The following ACSM1 variants were observed in gnomAD, a reference collection of about 807,000 sequenced individuals.
ACSM1 encodes acyl-coenzyme A synthetase ACSM1, mitochondrial.
A neutral mutation model predicts 75.8 loss-of-function variants in ACSM1; 79 were observed. The ratio of observed to expected loss-of-function variants is 1.04; its 90% confidence interval spans 0.87 to 1.26. The LOEUF is 1.26. Ranked by LOEUF, ACSM1 falls within the 50% of genes most tolerant of loss-of-function variation. The probability of loss-of-function intolerance (pLI) is 0.00; values close to 1 mark genes in which losing one functional copy is unlikely to be tolerated. For missense variants in ACSM1, 676 were observed against 720.1 expected (o/e 0.94, Z 0.70); for synonymous variants, 279 against 265.8 (o/e 1.05, Z -0.48).
Position 20,623,456 on chromosome 16 carries a change from G to A in ACSM1, c.*30C>T, listed in dbSNP as rs377562681. 48 of 1,601,212 alleles carry A rather than the reference G, an allele frequency of 3.0e-5. No homozygotes were observed. The East Asian group carries it at 3.1e-4, about 10-fold the overall frequency. ...TAAAGTGGCCAGGGATTTGCCTTAG[G>A]TGTGCAGTGCGTTCTGAGTTCACTG... On this transcript the variant is annotated 3_prime_UTR_variant, in exon 14 of 14. Transcript: ENST00000520010.
chr16:20,653,529 T>G (rs2018770821), intron 7 of ACSM1, among the ~76,000 whole-genome samples: 1 of 152,182 alleles, frequency 6.6e-6, no homozygotes, highest in Admixed American at 6.5e-5. Flanking sequence ...CAAAATCTCC[T>G]TAAGCTGATA....
chr16:20,676,814 A>G (rs770940726), intron 4 of ACSM1, among the ~76,000 whole-genome samples: 1 of 152,098 alleles, frequency 6.6e-6, no homozygotes, highest in Non-Finnish European at 1.5e-5. Context: ...CTAGAAGAAT[A>G]AATGCCCCAA....
At chr16:20,687,293 C>T (rs893622808) in intron 2 of ACSM1, among the ~76,000 whole-genome samples, 5 of 152,022 alleles carry the variant, frequency 3.3e-5, no homozygotes, top group African/African-American at 9.7e-5. Flanking sequence ...TACAATAAAA[C>T]ATGTAAGACC....
chr16:20,635,878 A>G (rs896943316), intron 10 of ACSM1, among the ~76,000 whole-genome samples: 4 of 152,070 alleles, frequency 2.6e-5, no homozygotes, highest in Admixed American at 1.3e-4. Context: ...TGACCTCGTG[A>G]TCCACCCACC....
At position 20,682,350 on chromosome 16, in the gene ACSM1, C is replaced by A. The variant is rs752115330; in HGVS notation, c.517G>T (p.Asp173Tyr). The change falls in exon 4 of 14, where the codon GAC becomes TAC. Residue 173 changes from aspartate (D) to tyrosine (Y), a missense_variant. Physicochemically the swap from Asp to Tyr is radical, Grantham distance 160. Transcript: ENST00000520010. ...VTIDALASEV[D>Y]SIASQCPSLK... Reference sequence around the variant, plus strand: ...GAGGGGCACTGAGAAGCTATGGAGTCCACCTCTGAGGCAAGGGCATCTATG... The same window carrying A: ...GAGGGGCACTGAGAAGCTATGGAGTACACCTCTGAGGCAAGGGCATCTATG... The A allele has an allele frequency of 1.2e-6, 2 of 1,614,026 alleles. No individual in the cohort carries two copies. The highest frequency in any genetic ancestry group is 2.2e-5 in the South Asian group (2 of 91,076).
intron 7 of ACSM1, among the ~76,000 whole-genome samples, chr16:20,644,049 A>G (rs1396126806): frequency 6.6e-6 from 1 of 152,200 alleles, no homozygotes; most frequent in African/African-American, 2.4e-5. Flanking sequence ...CTAGACCCAG[A>G]GCACTAATTG....
At chr16:20,657,607 TG>T (rs2019046496) in intron 7 of ACSM1, among the ~76,000 whole-genome samples, 1 of 142,104 alleles carries the variant, frequency 7.0e-6, no homozygotes, top group Non-Finnish European at 1.5e-5. Context: ...CTGTGCCCAA[TG>T]TTTTTTTTTT....
At chr16:20,688,188 A>G (rs1048696711) in intron 2 of ACSM1, among the ~76,000 whole-genome samples, 8 of 152,314 alleles carry the variant, frequency 5.3e-5, no homozygotes, top group South Asian at 2.1e-4. Flanking sequence ...GTTCAATGGC[A>G]GATTCAAATA....
At chr16:20,696,487 A>C (rs893358640) in intron 1 of ACSM1, among the ~76,000 whole-genome samples, 1 of 152,274 alleles carries the variant, frequency 6.6e-6, no homozygotes, top group East Asian at 1.9e-4. Flanking sequence ...GTGTGCCCAC[A>C]AATTATCTGA....
rs72778628 is a variant in ACSM1 at position 20,634,064 on chromosome 16, A to T, written c.1299+2675T>A. 8.6e-3 allele frequency among the ~76,000 whole-genome samples: 1,306 copies of T among 152,332 alleles called. 15 individuals are homozygous for T. Among genetic ancestry groups the T allele is most frequent in the Admixed American group, 0.032 (483 of 15,302 alleles). On this transcript the variant is annotated intron_variant, in intron 10 of 13. Coordinates refer to ENST00000520010, the MANE Select transcript of ACSM1 (RefSeq NM_001318890.3). ...ATTGCAATAGAATAGAGAGTCCTGG[A>T]AGAAACTCTCCCATATATTGTCAAT...
chr16:20,676,471 T>G (rs201341457), intron 4 of ACSM1, among the ~76,000 whole-genome samples: 2 of 152,180 alleles, frequency 1.3e-5, no homozygotes, highest in Admixed American at 1.3e-4. Context: ...AATCAGTGCA[T>G]GGTGGACACA....
chr16:20,689,624 T>A (rs952877104), intron 2 of ACSM1, among the ~76,000 whole-genome samples: 1 of 152,228 alleles, frequency 6.6e-6, no homozygotes, highest in Non-Finnish European at 1.5e-5. Context: ...ATTGTTTTTA[T>A]AATAAAATGC....
rs1401910731 is a variant in ACSM1, at chr16:20,697,618, C to T, written c.-52+18G>A. 6.6e-6 allele frequency: 1 copy of T among 150,876 alleles called. No homozygotes were observed. The highest frequency in any genetic ancestry group is 2.0e-4 in the East Asian group (1 of 5,104). 9.3% of individuals were successfully genotyped at this position (150,876 alleles called of 1,614,324 possible). On this transcript the variant is annotated intron_variant, in intron 1 of 13. Coordinates refer to ENST00000520010, the MANE Select transcript of ACSM1 (RefSeq NM_001318890.3). ...ACACACACACACAGATAGAAGCTGA[C>T]CTTCACCTCTGTCTTACCTGGTACT...
intron 5 of ACSM1, 68 bp from the exon 6 acceptor site, chr16:20,670,054 G>C: frequency 6.6e-7 from 1 of 1,525,106 alleles, no homozygotes; most frequent in Non-Finnish European, 9.0e-7. Flanking sequence ...TGTGCACTCT[G>C]GTTTTTAGCT....
chr16:20,691,090 T>C lies in ACSM1; in HGVS notation c.99A>G (p.Ser33=). The C allele has an allele frequency of 2.5e-6, 4 of 1,613,758 alleles. No homozygotes were observed. Among genetic ancestry groups the C allele is most frequent in the Non-Finnish European group, 3.4e-6 (4 of 1,179,838 alleles). Residue 33 remains serine (S), a synonymous_variant, in exon 2 of 14, where the codon TCA becomes TCG. Coordinates refer to ENST00000520010, the MANE Select transcript of ACSM1 (RefSeq NM_001318890.3). ...CATTCCATCTTGGGGCTCCAAATTC[T>C]GATAAAGACCGGCAGCGCAGCTGTG... ...APSQLRCRSL[S]EFGAPRWNDY... is the part of the protein sequence containing the mutation.
chr16:20,654,099 C>G (rs1206679882), intron 7 of ACSM1, among the ~76,000 whole-genome samples: 1 of 152,142 alleles, frequency 6.6e-6, no homozygotes, highest in African/African-American at 2.4e-5. Flanking sequence ...GAAATAATAC[C>G]AAACATCTAC....
rs542942847 is a variant in ACSM1 at position 20,626,558 on chromosome 16, G to C, written c.1427+631C>G. Among the ~76,000 whole-genome samples, 3 of 151,814 alleles carry C rather than the reference G, an allele frequency of 2.0e-5. No individual in the cohort carries two copies. The East Asian group carries it at 5.8e-4, about 29-fold the overall frequency. On this transcript the variant is annotated intron_variant, in intron 11 of 13. Coordinates refer to ENST00000520010, the MANE Select transcript of ACSM1 (RefSeq NM_001318890.3). ...GAATCTTTAGGCAAATTTCCTTGCC[G>C]GTCAGTGACCCACTTTCCTCGTTAG... is the stretch of plus-strand genomic sequence containing the variant.
chr16:20,684,746 G>A (rs2079515367), intron 3 of ACSM1, among the ~76,000 whole-genome samples: 1 of 151,790 alleles, frequency 6.6e-6, no homozygotes, highest in Admixed American at 6.5e-5. Flanking sequence ...GTAAGAAAGG[G>A]AGAGAAAGAG....
chr16:20,680,999 A>G (rs2079434222), intron 4 of ACSM1: 1 of 152,238 alleles, frequency 6.6e-6, no homozygotes, highest in Admixed American at 6.5e-5. Flanking sequence ...CATAATCACA[A>G]AAATAGACAC....
Sources: gnomAD v4.1 joint callset for allele counts (sites outside exome capture counted in the v4.1 genomes callset) on GRCh38, gnomAD v4.1.1 for gene constraint, MANE v1.5 for transcripts, NCBI Gene and HGNC (gene_info 2026-07-23, HGNC 2026-07-21) for gene names.